CLINT1: variants seen among roughly 807,000 people sequenced by gnomAD.
CLINT1 encodes the protein clathrin interactor 1, also known as clathrin interacting protein localized in the trans-Golgi region.
Under a neutral mutation model 70.4 loss-of-function variants are expected in CLINT1, and 15 were observed. That is an observed-to-expected ratio of 0.21 (90% CI 0.14 to 0.33). The LOEUF is 0.33. CLINT1 is among the 10% of genes least tolerant of loss of function. The pLI, the probability that CLINT1 is intolerant of heterozygous loss-of-function variation, is 1.00. For synonymous variants in CLINT1, 227 were observed against 254.7 expected (o/e 0.89, Z 1.04); for missense variants, 615 against 778.1 (o/e 0.79, Z 2.49).
rs1762589088 is a variant in CLINT1, at chr5:157,812,335, A to C, written c.517+728T>G. Among the ~76,000 whole-genome samples the C allele has an allele frequency of 2.0e-5, 3 of 152,242 alleles. No individual in the cohort carries two copies. In the South Asian group the frequency reaches 6.2e-4, roughly 32 times the overall value. On this transcript the variant is annotated intron_variant, in intron 5 of 11. Transcript: ENST00000411809. ...CAGTCTGCACATACACAAAATGAGC[A>C]AGAGATTGTCAGAGCTCACAGAAGA...
In CLINT1 at chr5:157,823,560, A is replaced by G. The variant is rs536450609; in HGVS notation, c.42-6013T>C. 1.5e-3 allele frequency among the ~76,000 whole-genome samples: 230 copies of G among 152,290 alleles called. No homozygotes were observed. The Middle Eastern group carries it at 0.02, about 14-fold the overall frequency. On this transcript the variant is annotated intron_variant, in intron 1 of 11. Coordinates refer to ENST00000411809, the MANE Select transcript of CLINT1 (RefSeq NM_014666.4). The stretch of plus-strand genomic sequence containing the variant: ...CCACAGAGAACAATTTAAGTACCCA[A>G]TTTTGGAATTAATATGATTTTTTAA...
chr5:157,794,853 C>T (rs1480482243), intron 9 of CLINT1, 45 bp downstream of exon 9: 9 of 1,450,156 alleles, frequency 6.2e-6, no homozygotes, highest in African/African-American at 1.4e-5. Flanking sequence ...TTTTTAATAA[C>T]CTTTTTACCA....
rs1761769208 is a variant in CLINT1, at chr5:157,787,760, A to G, written c.1764T>C (p.Ala588=). The change falls in exon 12 of 12, where the codon GCT becomes GCC. Residue 588 remains alanine (A), a synonymous_variant. Transcript: ENST00000411809. ...CCATTGTGCCTGTCAAGCCCATCCC[A>G]GCAGCGGACATCCCTATGTTCATGT... ...GMNMNIGMSA[A]GMGLTGTMGM... 15 of 1,614,010 alleles carry G rather than the reference A, an allele frequency of 9.3e-6. No individual in the cohort carries two copies. Among genetic ancestry groups the G allele is most frequent in the Non-Finnish European group, 1.3e-5 (15 of 1,179,890 alleles).
At chr5:157,806,160 A>T (rs754765304) in intron 6 of CLINT1, 48 bp from the exon 7 acceptor site, 2 of 1,580,622 alleles carry the variant, frequency 1.3e-6, no homozygotes, top group East Asian at 2.2e-5. Context: ...GGATTATTTT[A>T]AAATGGGTCC....
intron 1 of CLINT1, among the ~76,000 whole-genome samples, chr5:157,823,389 T>C (rs1472586137): frequency 6.6e-6 from 1 of 152,238 alleles, no homozygotes. Flanking sequence ...TAACTATTTA[T>C]AGGCAAGTAA....
chr5:157,791,703 C>T lies in CLINT1; in HGVS notation c.1380G>A (p.Gln460=), dbSNP rs767061476. 6.2e-7 allele frequency: 1 copy of T among 1,606,762 alleles called. No homozygotes were observed. The highest frequency in any genetic ancestry group is 8.5e-7 in the Non-Finnish European group (1 of 1,175,982). The part of the protein sequence containing the change: ...VGLGLPMSRS[Q]NTDMVQKSVS... Reference sequence around the variant, plus strand: ...ATTCCAAGGGAACCAGACAACTTACCTGTGATCTTGACATAGGCAAACCAA... The same window carrying T: ...ATTCCAAGGGAACCAGACAACTTACTTGTGATCTTGACATAGGCAAACCAA... Residue 460 remains glutamine (Q), a splice_region_variant and synonymous_variant, in exon 10 of 12, where the codon CAG becomes CAA. Coordinates refer to ENST00000411809, the MANE Select transcript of CLINT1 (RefSeq NM_014666.4).
intron 1 of CLINT1, among the ~76,000 whole-genome samples, chr5:157,840,192 C>CAAAAAAAAAA (rs57245921): frequency 1.4e-4 from 8 of 55,328 alleles, no homozygotes; most frequent in Admixed American, 3.1e-4. Context: ...GAGACTGCCT[C>CAAAAAAAAAA]AAAAAAAAAA....
intron 3 of CLINT1, among the ~76,000 whole-genome samples, chr5:157,814,990 A>G (rs1240428731): frequency 1.3e-5 from 2 of 150,664 alleles, no homozygotes; most frequent in Non-Finnish European, 3.0e-5. Flanking sequence ...CTGAGCCCGC[A>G]CCACTGCACT....
At chr5:157,831,696 T>TC (rs971107455) in intron 1 of CLINT1, among the ~76,000 whole-genome samples, 6 of 146,898 alleles carry the variant, frequency 4.1e-5, no homozygotes, top group African/African-American at 1.2e-4. Context: ...AAATATCCTT[T>TC]TTTTTTTTTT....
At chr5:157,848,948 T>C (rs1365672698) in intron 1 of CLINT1, among the ~76,000 whole-genome samples, 1 of 152,016 alleles carries the variant, frequency 6.6e-6, no homozygotes, top group Non-Finnish European at 1.5e-5. Flanking sequence ...AGGTGTAAGC[T>C]ATTGTGCCTG....
At chr5:157,833,078 C>T (rs1005662148) in intron 1 of CLINT1, among the ~76,000 whole-genome samples, 2 of 152,152 alleles carry the variant, frequency 1.3e-5, no homozygotes, top group East Asian at 1.9e-4. Context: ...AGGCCAGGCG[C>T]GGTGGCTCAC....
At chr5:157,841,909 C>G (rs10866700) in intron 1 of CLINT1, among the ~76,000 whole-genome samples, 20,597 of 152,054 alleles carry the variant, frequency 0.14, 1,852 homozygotes, top group African/African-American at 0.25. Flanking sequence ...AGGATTACAG[C>G]GATGAGCCAG....
intron 8 of CLINT1, among the ~76,000 whole-genome samples, chr5:157,796,555 T>C (rs1363783624): frequency 6.6e-6 from 1 of 152,178 alleles, no homozygotes; most frequent in African/African-American, 2.4e-5. Flanking sequence ...CACAGCTGCT[T>C]AGGCCGCAGT....
chr5:157,796,300 G>T (rs973059161), intron 8 of CLINT1, among the ~76,000 whole-genome samples: 4 of 152,128 alleles, frequency 2.6e-5, no homozygotes, highest in African/African-American at 9.7e-5. Flanking sequence ...AATTTTATTT[G>T]TAAATACTAC....
At position 157,817,521 on chromosome 5, in the gene CLINT1, T is replaced by C; in HGVS notation, c.68A>G (p.Glu23Gly). Residue 23 changes from glutamate (E) to glycine (G), a missense_variant, in exon 2 of 12, where the codon GAG (glutamate) becomes GGG (glycine). Coordinates refer to ENST00000411809, the MANE Select transcript of CLINT1 (RefSeq NM_014666.4). ...TGCCTCTCGAACCTTAGACTCGATC[T>C]CTGAATAATTCATAACAACATTGGT... ...KATNVVMNYS[E>G]IESKVREATN... 1.2e-6 allele frequency: 2 copies of C among 1,602,664 alleles called. No individual in the cohort carries two copies. The highest frequency in any genetic ancestry group is 1.7e-6 in the Non-Finnish European group (2 of 1,174,036).
chr5:157,788,968 G>GAAAAAAAAAAAAAAAAAAAAAA (rs58634730), intron 11 of CLINT1, among the ~76,000 whole-genome samples: 1 of 95,576 alleles, frequency 1.0e-5, no homozygotes, highest in Non-Finnish European at 2.2e-5. Context: ...CTCCATCTCA[G>GAAAAAAAAAAAAAAAAAAAAAA]AAAAAAAAAA....
At chr5:157,809,426 T>C (rs1762478430) in intron 6 of CLINT1, among the ~76,000 whole-genome samples, 1 of 151,256 alleles carries the variant, frequency 6.6e-6, no homozygotes, top group Admixed American at 6.6e-5. Context: ...GAAGTGGGTA[T>C]ATGACAACTC....
chr5:157,823,041 A>G (rs1239526229), intron 1 of CLINT1, among the ~76,000 whole-genome samples: 2 of 152,186 alleles, frequency 1.3e-5, no homozygotes, highest in Non-Finnish European at 2.9e-5. Flanking sequence ...CTGAAGTCAA[A>G]TGAATCTATA....
intron 9 of CLINT1, among the ~76,000 whole-genome samples, chr5:157,793,524 A>G (rs1761978894): frequency 6.6e-6 from 1 of 152,164 alleles, no homozygotes; most frequent in East Asian, 1.9e-4. Flanking sequence ...AATCACATGC[A>G]TACAGATGAA....
Sources: gnomAD v4.1 joint callset for allele counts (sites outside exome capture counted in the v4.1 genomes callset) on GRCh38, gnomAD v4.1.1 for gene constraint, MANE v1.5 for transcripts, NCBI Gene and HGNC (gene_info 2026-07-23, HGNC 2026-07-21) for gene names.